Variants in PNPLA1 observed in about 807,000 individuals in gnomAD.
PNPLA1 encodes the protein patatin like domain 1, omega-hydroxyceramide transacylase, also known as omega-hydroxyceramide transacylase.
PNPLA1 carries 36 observed loss-of-function variants against 51.7 expected under a neutral mutation model. That is an observed-to-expected ratio of 0.70 (90% CI 0.53 to 0.92). PNPLA1 has a LOEUF of 0.92. PNPLA1 is among the 40% of genes least tolerant of loss of function. The pLI is 0.00. For missense variants in PNPLA1, 658 were observed against 682.5 expected, an observed-to-expected ratio of 0.96 and a Z score of 0.40; for synonymous variants, 293 against 280.1, an observed-to-expected ratio of 1.05 and a Z score of -0.46.
At chr6:36,257,190 C>A (rs1164090795) in intron 1 of PNPLA1, among the ~76,000 whole-genome samples, 1 of 152,162 alleles carries the variant, frequency 6.6e-6, no homozygotes, top group Non-Finnish European at 1.5e-5. Flanking sequence ...ATTTGCTGCT[C>A]CCCAGGTACT....
chr6:36,292,347 A>C (rs1770713762), intron 2 of PNPLA1, among the ~76,000 whole-genome samples: 2 of 150,638 alleles, frequency 1.3e-5, no homozygotes, highest in African/African-American at 4.9e-5. Context: ...CTGCCTCCTC[A>C]CGCCCACCCC....
In PNPLA1 at chr6:36,294,587, A is replaced by C. The variant is rs961556490; in HGVS notation, c.714+188A>C. Among the ~76,000 whole-genome samples, 6 of 152,276 alleles carry C rather than the reference A, an allele frequency of 3.9e-5. No homozygotes were observed. The Middle Eastern group carries it at 0.01, about 259-fold the overall frequency. ...CTATGTGACCTTGAACAAGCGCCTC[A>C]AGCTCTCCCAGCTTCAACATTCTCC... On this transcript the variant is annotated intron_variant, in intron 4 of 8. Coordinates refer to ENST00000636260, the MANE Select transcript of PNPLA1 (RefSeq NM_001374623.1). This position sits in a 1 kb window ranked among gnomAD's most constrained non-coding sequence, Gnocchi z 4.2.
rs889544593 is a variant in PNPLA1 at position 36,294,319 on chromosome 6, C to T, written c.634C>T (p.Arg212Cys). 1.5e-5 allele frequency: 24 copies of T among 1,614,214 alleles called. No homozygotes were observed. Among genetic ancestry groups the T allele is most frequent in the Non-Finnish European group, 1.9e-5 (23 of 1,180,040 alleles). Residue 212 changes from arginine (R) to cysteine (C), a missense_variant, in exon 4 of 9, where the codon CGC becomes TGC. Transcript: ENST00000636260. The surrounding 1 kb of genome is among the most constrained non-coding windows in gnomAD (Gnocchi z 4.2). ...RDCPAIFHDF[R>C]MFNCSFQFSL... ...CTGCCCGGCCATCTTCCACGACTTC[C>T]GCATGTTCAACTGCTCCTTCCAGTT...
Position 36,252,740 on chromosome 6 carries a change from T to C in PNPLA1, c.-81+9479T>C, listed in dbSNP as rs534918417. On this transcript the variant is annotated intron_variant, in intron 1 of 7. Transcript: ENST00000312917. ...ATGAAGCATGGCTGAGCTTCAGATC[T>C]GAGTGGATAGAAGAGACGGTAATGT... is the stretch of plus-strand genomic sequence containing the variant. 4.0e-4 allele frequency among the ~76,000 whole-genome samples: 61 copies of C among 152,304 alleles called. 1 individual carries two copies. The South Asian group carries it at 0.012, about 31-fold the overall frequency.
In PNPLA1 at chr6:36,294,166, G is replaced by T. The variant is rs759912350; in HGVS notation, c.505-24G>T. ...GGCTGAGAACTCTGGCCCCAAGTGGGCATTTCTCACTCTGCCCCCACAGAG... is the reference window on the plus strand; with the variant it reads ...GGCTGAGAACTCTGGCCCCAAGTGGTCATTTCTCACTCTGCCCCCACAGAG... On this transcript the variant is annotated intron_variant, in intron 3 of 8. Transcript: ENST00000636260. The surrounding 1 kb of genome is among the most constrained non-coding windows in gnomAD (Gnocchi z 4.2). 2.5e-6 allele frequency: 4 copies of T among 1,612,874 alleles called. No homozygotes were observed. The highest frequency in any genetic ancestry group is 3.4e-6 in the Non-Finnish European group (4 of 1,179,192).
At chr6:36,282,128 G>GGATGGAAA (rs1770323018) in intron 1 of PNPLA1, among the ~76,000 whole-genome samples, 1 of 89,890 alleles carries the variant, frequency 1.1e-5, no homozygotes, top group Non-Finnish European at 2.6e-5. Context: ...AAGGAAGGAA[G>GGATGGAAA]GAAGGAAGGA....
intron 1 of PNPLA1, among the ~76,000 whole-genome samples, chr6:36,250,434 A>C (rs1405665083): frequency 6.6e-6 from 1 of 152,172 alleles, no homozygotes; most frequent in East Asian, 1.9e-4. Flanking sequence ...TGAGCAGAGA[A>C]ACCAACCCCA....
At chr6:36,282,340 G>T (rs866899600) in intron 1 of PNPLA1, among the ~76,000 whole-genome samples, 3 of 152,220 alleles carry the variant, frequency 2.0e-5, no homozygotes, top group Non-Finnish European at 4.4e-5. Flanking sequence ...GTCATTGTGC[G>T]ATAGTTGTTG....
intron 1 of PNPLA1, among the ~76,000 whole-genome samples, chr6:36,285,575 G>A (rs1409007950): frequency 6.6e-6 from 1 of 152,184 alleles, no homozygotes; most frequent in Non-Finnish European, 1.5e-5. Flanking sequence ...CTTGAATAGC[G>A]ACTTCTCTCT....
At chr6:36,291,598 A>AG in intron 2 of PNPLA1, 46 bp downstream of exon 2, 1 of 362,222 alleles carries the variant, frequency 2.8e-6, no homozygotes, top group Non-Finnish European at 5.7e-6. Flanking sequence ...GGGGCGGGGG[A>AG]GGGCGGCTCC....
At chr6:36,293,206 G>C in intron 3 of PNPLA1, 80 bp downstream of exon 3, 1 of 1,413,162 alleles carries the variant, frequency 7.1e-7, no homozygotes, top group Non-Finnish European at 9.9e-7. Flanking sequence ...GGGGGAGCAG[G>C]GGGGTGGTCT....
intron 1 of PNPLA1, among the ~76,000 whole-genome samples, chr6:36,281,536 G>A (rs1770282458): frequency 6.6e-6 from 1 of 152,128 alleles, no homozygotes; most frequent in South Asian, 2.1e-4. Context: ...CTTTACAAAT[G>A]AGGAAACAGG....
At chr6:36,270,048 G>A (rs551480739), upstream of PNPLA1, among the ~76,000 whole-genome samples, 1 of 152,368 alleles carries the variant, frequency 6.6e-6, no homozygotes, top group Non-Finnish European at 1.5e-5. Flanking sequence ...GCTGGGCAGA[G>A]CCCGCCTCCT....
Position 36,307,727 on chromosome 6 carries a change from T to C in PNPLA1, c.1595+15T>C, listed in dbSNP as rs374957277. On this transcript the variant is annotated intron_variant, in intron 8 of 8. Transcript: ENST00000636260. Reference sequence around the variant, plus strand: ...AGCAAAGTGCAGTGAGCATGTCTAATGTTCCTTAAATCCCACGGAGAGGAG... The same window carrying C: ...AGCAAAGTGCAGTGAGCATGTCTAACGTTCCTTAAATCCCACGGAGAGGAG... The C allele has an allele frequency of 5.6e-6, 9 of 1,613,482 alleles. No individual in the cohort carries two copies. The highest frequency in any genetic ancestry group is 3.4e-6 in the Non-Finnish European group (4 of 1,179,624).
At chr6:36,284,315 A>G (rs1770409663) in intron 1 of PNPLA1, among the ~76,000 whole-genome samples, 1 of 152,180 alleles carries the variant, frequency 6.6e-6, no homozygotes, top group Non-Finnish European at 1.5e-5. Context: ...TATGTGGAGG[A>G]TTGTTATTAT....
intron 1 of PNPLA1, among the ~76,000 whole-genome samples, chr6:36,285,421 A>T (rs1304508199): frequency 6.6e-6 from 1 of 152,182 alleles, no homozygotes; most frequent in Admixed American, 6.5e-5. Flanking sequence ...CTCACTGCAG[A>T]CCTAATTCCG....
chr6:36,295,440 G>T lies in PNPLA1; in HGVS notation c.775+16G>T. On this transcript the variant is annotated intron_variant, in intron 5 of 8. Coordinates refer to ENST00000636260, the MANE Select transcript of PNPLA1 (RefSeq NM_001374623.1). ...AGGCGGCTGAGTAAGTACCGGTGGG[G>T]CCCCAGGTAAGGGCAGTGTTGGAGG... 1.2e-6 allele frequency: 2 copies of T among 1,613,934 alleles called. No individual in the cohort carries two copies. Among genetic ancestry groups the T allele is most frequent in the Non-Finnish European group, 1.7e-6 (2 of 1,179,860 alleles).
Position 36,302,233 on chromosome 6 carries a change from C to G in PNPLA1, c.1148C>G (p.Ser383Cys), listed in dbSNP as rs779091773. The G allele has an allele frequency of 6.2e-7, 1 of 1,614,222 alleles. No individual in the cohort carries two copies. Among genetic ancestry groups the G allele is most frequent in the African/African-American group, 1.3e-5 (1 of 75,058 alleles). The change falls in exon 6 of 9, where the codon TCC becomes TGC. Residue 383 changes from serine to cysteine, a missense_variant. Ser to Cys is a moderately radical substitution (Grantham distance 112). Transcript: ENST00000636260. ...CCAGCTGTGCACAAGCCACCCAGCT[C>G]CACACCTGGTTCATCACTGCCCACC... ...SFPAVHKPPS[S>C]TPGSSLPTPP...
chr6:36,305,402 G>A (rs1438838245), intron 6 of PNPLA1, among the ~76,000 whole-genome samples: 1 of 152,092 alleles, frequency 6.6e-6, no homozygotes, highest in Non-Finnish European at 1.5e-5. Flanking sequence ...AAAACAAAAG[G>A]ACAAGCCTCA....
Sources: allele counts gnomAD v4.1 joint callset (sites outside exome capture counted in the v4.1 genomes callset), GRCh38; gene constraint gnomAD v4.1.1; non-coding constraint Gnocchi (gnomAD v3.1); transcripts MANE v1.5; gene names NCBI Gene and HGNC (gene_info 2026-07-23, HGNC 2026-07-21).